The following PHF14 variants were observed in gnomAD, a reference collection of about 807,000 sequenced individuals.
The protein encoded by PHF14 is PHD finger protein 14.
In PHF14, 55 loss-of-function variants were observed where a neutral mutation model predicts 117.9. The ratio of observed to expected loss-of-function variants is 0.47; its 90% CI spans 0.38 to 0.58. PHF14 has a LOEUF of 0.58. PHF14 is among the 20% of genes least tolerant of loss of function. The pLI is 0.00. For missense variants in PHF14, 978 were observed against 1,122.2 expected (o/e 0.87, Z 1.84); for synonymous variants, 409 against 368.6 (o/e 1.11, Z -1.26).
chr7:11,023,774 G>C (rs10226402), intron 6 of PHF14, among the ~76,000 whole-genome samples: 1,951 of 152,250 alleles, frequency 0.013, 36 homozygotes, highest in African/African-American at 0.045. Flanking sequence ...GTTGCAGTGA[G>C]CTGAGATTGC....
At chr7:10,979,354 G>A (rs917820520) in intron 2 of PHF14, among the ~76,000 whole-genome samples, 2 of 151,996 alleles carry the variant, frequency 1.3e-5, no homozygotes, top group African/African-American at 4.8e-5. Flanking sequence ...AGTTGAAATA[G>A]CTGTTGCTTG....
chr7:11,071,757 T>C (rs1583435512), intron 16 of PHF14, among the ~76,000 whole-genome samples: 1 of 152,220 alleles, frequency 6.6e-6, no homozygotes, highest in East Asian at 1.9e-4. Flanking sequence ...ATGTTTCTGA[T>C]TATGTATAAA....
chr7:10,995,094 T>C (rs1405669402), intron 4 of PHF14, among the ~76,000 whole-genome samples: 1 of 152,326 alleles, frequency 6.6e-6, no homozygotes, highest in East Asian at 1.9e-4. Flanking sequence ...GAGCACTGAT[T>C]GGTGCATTTA....
At chr7:11,081,997 G>C (rs767833026) in intron 16 of PHF14, among the ~76,000 whole-genome samples, 1 of 152,074 alleles carries the variant, frequency 6.6e-6, no homozygotes, top group Non-Finnish European at 1.5e-5. Context: ...AAAGCTAATA[G>C]TGTACGTAGA....
chr7:11,085,180 A>G (rs929655502), intron 16 of PHF14, among the ~76,000 whole-genome samples: 3 of 152,148 alleles, frequency 2.0e-5, no homozygotes, highest in Non-Finnish European at 4.4e-5. Flanking sequence ...TAGATGATCT[A>G]TGTACAGTTT....
intron 17 of PHF14, among the ~76,000 whole-genome samples, chr7:11,153,933 C>T (rs964616483): frequency 7.0e-6 from 1 of 143,462 alleles, no homozygotes; most frequent in Admixed American, 7.2e-5. Context: ...TGAAAGTGGT[C>T]CCTGTCTGTG....
intron 17 of PHF14, among the ~76,000 whole-genome samples, chr7:11,113,769 T>G (rs1416166893): frequency 6.6e-6 from 1 of 152,166 alleles, no homozygotes; most frequent in Non-Finnish European, 1.5e-5. Context: ...GTTGGCATTT[T>G]CTTCTGAAAG....
intron 2 of PHF14, among the ~76,000 whole-genome samples, chr7:10,977,887 G>T (rs1223236332): frequency 6.6e-6 from 1 of 151,978 alleles, no homozygotes; most frequent in Non-Finnish European, 1.5e-5. Flanking sequence ...CATAGGGTTG[G>T]GTGTATGATA....
intron 16 of PHF14, chr7:11,107,407 C>T: frequency 2.4e-6 from 2 of 837,812 alleles, no homozygotes; most frequent in Non-Finnish European, 2.9e-6. Flanking sequence ...TATTAAGCTA[C>T]TTTGTTATTT....
chr7:11,169,617 A>C lies in PHF14; in HGVS notation c.*127A>C. 1 of 450,904 alleles carries C rather than the reference A, an allele frequency of 2.2e-6. No homozygotes were observed. Among genetic ancestry groups the C allele is most frequent in the Non-Finnish European group, 4.0e-6 (1 of 252,962 alleles). The allele number at this position is 450,904 out of a possible 1,614,324, so 27.9% of individuals were successfully genotyped here. ...TTCTCAATAAAGTCATTCAAAATGA[A>C]ATAGGAGCTTGTATTTGGAATTCGT... On this transcript the variant is annotated 3_prime_UTR_variant, in exon 18 of 18. Transcript: ENST00000634607.
intron 16 of PHF14, chr7:11,104,003 C>G: frequency 1.0e-6 from 1 of 984,994 alleles, no homozygotes; most frequent in Non-Finnish European, 1.2e-6. Context: ...TGAACTCTGG[C>G]TGCTTTTAAG....
At chr7:11,053,606 T>A (rs1215631904) in intron 14 of PHF14, among the ~76,000 whole-genome samples, 2 of 152,068 alleles carry the variant, frequency 1.3e-5, no homozygotes, top group Non-Finnish European at 2.9e-5. Context: ...GAAACATTAT[T>A]TTTCCAGTTT....
intron 4 of PHF14, among the ~76,000 whole-genome samples, chr7:11,007,722 AAC>A (rs779080220): frequency 1.3e-5 from 2 of 152,214 alleles, no homozygotes; most frequent in Non-Finnish European, 2.9e-5. Context: ...AGAAGAAAAA[AAC>A]ATTTCTAATT....
intron 17 of PHF14, among the ~76,000 whole-genome samples, chr7:11,137,689 G>T (rs1018285379): frequency 6.9e-6 from 1 of 145,258 alleles, no homozygotes; most frequent in Non-Finnish European, 1.5e-5. Context: ...AGGTTCAAGC[G>T]ATTCTCCTAC....
chr7:11,090,239 G>A (rs550488854), intron 16 of PHF14, among the ~76,000 whole-genome samples: 2 of 152,298 alleles, frequency 1.3e-5, no homozygotes, highest in South Asian at 2.1e-4. Context: ...TCTATGAATC[G>A]TAGCAAGAGG....
At chr7:11,043,300 A>C (rs1176529565) in intron 13 of PHF14, among the ~76,000 whole-genome samples, 1 of 151,740 alleles carries the variant, frequency 6.6e-6, no homozygotes, top group Non-Finnish European at 1.5e-5. Flanking sequence ...TTTTTTTATT[A>C]ACTTAGGCAT....
chr7:11,053,778 T>G (rs2128327325), intron 14 of PHF14, among the ~76,000 whole-genome samples: 1 of 152,190 alleles, frequency 6.6e-6, no homozygotes, highest in East Asian at 1.9e-4. Context: ...ATCCTTCTAT[T>G]TTTTTCTCAC....
At chr7:11,117,988 G>A (rs1245927526) in intron 17 of PHF14, among the ~76,000 whole-genome samples, 1 of 151,738 alleles carries the variant, frequency 6.6e-6, no homozygotes, top group Non-Finnish European at 1.5e-5. Context: ...ATCATTTTTA[G>A]GTAAGATGTA....
rs1385850070 is a variant in PHF14, at chr7:11,130,261, C to G, written c.2772+18794C>G. Among the ~76,000 whole-genome samples the G allele has an allele frequency of 3.3e-5, 5 of 151,976 alleles. No individual in the cohort carries two copies. Among genetic ancestry groups the G allele is most frequent in the Non-Finnish European group, 5.9e-5 (4 of 67,944 alleles). On this transcript the variant is annotated intron_variant, in intron 17 of 17. Coordinates refer to ENST00000634607, the MANE Select transcript of PHF14 (RefSeq NM_001007157.2). The surrounding 1 kb of genome is among the most constrained non-coding windows in gnomAD (Gnocchi z 4.2). Reference sequence around the variant, plus strand: ...ACATTCCTCAGATGACGCAGTCAAACCTAACTTTAAGAAGCCAGTAAGTGT... The same window carrying G: ...ACATTCCTCAGATGACGCAGTCAAAGCTAACTTTAAGAAGCCAGTAAGTGT...
Sources: allele counts gnomAD v4.1 joint callset (sites outside exome capture counted in the v4.1 genomes callset), GRCh38; gene constraint gnomAD v4.1.1; non-coding constraint Gnocchi (gnomAD v3.1); transcripts MANE v1.5; gene names NCBI Gene and HGNC (gene_info 2026-07-23, HGNC 2026-07-21).